The following TPX2 variants were observed in gnomAD, a reference collection of about 807,000 sequenced individuals.
TPX2 encodes the protein TPX2 microtubule nucleation factor, also known as targeting protein for Xklp2.
Under a neutral mutation model 93.6 loss-of-function variants are expected in TPX2, and 21 were observed. The ratio of observed to expected loss-of-function variants is 0.22; its 90% CI spans 0.16 to 0.32. The LOEUF (loss-of-function observed/expected upper bound fraction) is 0.32. Among genes scored for constraint, TPX2 ranks in the 10% least tolerant of loss-of-function variants. The probability of loss-of-function intolerance (pLI) is 1.00; values close to 1 mark genes in which losing one functional copy is unlikely to be tolerated. For missense variants in TPX2, 776 were observed against 871.1 expected (o/e 0.89, Z 1.37); for synonymous variants, 281 against 298.3 (o/e 0.94, Z 0.60).
chr20:31,747,432 C>T (rs1288151757), intron 2 of TPX2, among the ~76,000 whole-genome samples: 1 of 151,656 alleles, frequency 6.6e-6, no homozygotes, highest in Non-Finnish European at 1.5e-5. Context: ...TTTTATATCT[C>T]TATCTCTGTC....
At position 31,776,050 on chromosome 20, in the gene TPX2, G is replaced by GTTTTTTT. The variant is rs10528470; in HGVS notation, c.730+97_730+103dup. 212 of 331,388 alleles carry GTTTTTTT rather than the reference G, an allele frequency of 6.4e-4. 41 individuals carry two copies. Among genetic ancestry groups the GTTTTTTT allele is most frequent in the East Asian group, 1.9e-3 (6 of 3,208 alleles). 20.5% of individuals were successfully genotyped at this position (331,388 alleles called of 1,614,324 possible). ...GTGGTTCTTAACACTCTTGGTAGGT[G>GTTTTTTT]TTTTTTTTTTTTTTTTTTTTTTTTT... On this transcript the variant is annotated intron_variant, in intron 8 of 17. Transcript: ENST00000300403.
intron 15 of TPX2, among the ~76,000 whole-genome samples, chr20:31,795,171 T>A (rs943371594): frequency 2.0e-5 from 3 of 151,804 alleles, no homozygotes; most frequent in Non-Finnish European, 4.4e-5. Context: ...TGTCGCTCTG[T>A]CACCCAGGCT....
At chr20:31,795,099 G>A (rs1264498858) in intron 15 of TPX2, among the ~76,000 whole-genome samples, 1 of 151,960 alleles carries the variant, frequency 6.6e-6, no homozygotes, top group Non-Finnish European at 1.5e-5. Context: ...GGGATTACAG[G>A]TGTGAGCCAC....
intron 2 of TPX2, among the ~76,000 whole-genome samples, chr20:31,748,677 G>A (rs1364715512): frequency 1.3e-5 from 2 of 152,150 alleles, no homozygotes; most frequent in Non-Finnish European, 2.9e-5. Flanking sequence ...GAATCCTGCA[G>A]ACTTGTTCTT....
intron 7 of TPX2, 150 bp downstream of exon 7, chr20:31,771,832 C>A: frequency 2.6e-6 from 2 of 760,084 alleles, no homozygotes; most frequent in Non-Finnish European, 3.9e-6. Context: ...CTGATGGGTG[C>A]TCAGATTTTT....
intron 10 of TPX2, among the ~76,000 whole-genome samples, chr20:31,780,708 A>G (rs2062027830): frequency 6.6e-6 from 1 of 152,204 alleles, no homozygotes. Flanking sequence ...ATTCTATATT[A>G]GTTATGAAAA....
chr20:31,750,858 C>T (rs1188608670), intron 2 of TPX2, among the ~76,000 whole-genome samples: 1 of 152,134 alleles, frequency 6.6e-6, no homozygotes, highest in Non-Finnish European at 1.5e-5. Context: ...TTTTGGGCTG[C>T]AAACATAGAT....
chr20:31,801,152 C>T lies in TPX2; in HGVS notation c.*72C>T. ...TAACCTCAAACCTAGGACCGTCTTG[C>T]TTTGTCATTGGGCATGGAGAGAACC... On this transcript the variant is annotated 3_prime_UTR_variant, in exon 18 of 18. Transcript: ENST00000300403. 1 of 1,384,426 alleles carries T rather than the reference C, an allele frequency of 7.2e-7. No individual in the cohort carries two copies. The highest frequency in any genetic ancestry group is 1.0e-6 in the Non-Finnish European group (1 of 972,994). 85.8% of individuals were successfully genotyped at this position (1,384,426 alleles called of 1,614,324 possible).
At chr20:31,755,615 T>C (rs954426931) in intron 2 of TPX2, among the ~76,000 whole-genome samples, 1 of 151,836 alleles carries the variant, frequency 6.6e-6, no homozygotes, top group Admixed American at 6.6e-5. Flanking sequence ...AACAAAAAAT[T>C]AGCAAGGTGT....
At chr20:31,769,537 G>A (rs1047540161) in intron 5 of TPX2, among the ~76,000 whole-genome samples, 1 of 151,942 alleles carries the variant, frequency 6.6e-6, no homozygotes, top group Non-Finnish European at 1.5e-5. Flanking sequence ...TGTTATCCAG[G>A]ATGGTCTCGA....
chr20:31,794,464 G>C lies in TPX2; in HGVS notation c.1749G>C (p.Lys583Asn), dbSNP rs577156270. ...HFDTINLPEKKVKNVTQIEPF... is the reference protein window; with the variant it reads ...HFDTINLPEKNVKNVTQIEPF... ...ACACCATTAACCTGCCAGAGAAGAA[G>C]GTAAAGAATGTGACCCAGATTGAAC... The change falls in exon 15 of 18, where the codon AAG becomes AAC. Residue 583 changes from lysine to asparagine, a missense_variant. Physicochemically the swap from Lys to Asn is moderately conservative, Grantham distance 94. Coordinates refer to ENST00000300403, the MANE Select transcript of TPX2 (RefSeq NM_012112.5). 3.7e-5 allele frequency: 59 copies of C among 1,614,014 alleles called. No homozygotes were observed. The highest frequency in any genetic ancestry group is 4.6e-5 in the Non-Finnish European group (54 of 1,180,042).
rs141361805 is a variant in TPX2, at chr20:31,791,306, C to T, written c.1414-1429C>T. ...AGAATTAATTTTTTTTTCTTTGAGA[C>T]GGAGTCTTGCTCTGTCGCCCAGGCT... is the stretch of plus-strand genomic sequence containing the variant. On this transcript the variant is annotated intron_variant, in intron 12 of 17. Coordinates refer to ENST00000300403, the MANE Select transcript of TPX2 (RefSeq NM_012112.5). 7.8e-4 allele frequency among the ~76,000 whole-genome samples: 118 copies of T among 152,146 alleles called. 2 individuals are homozygous for T. The East Asian group carries it at 0.02, about 26-fold the overall frequency.
chr20:31,758,143 G>T (rs1411851211), intron 3 of TPX2, among the ~76,000 whole-genome samples: 18 of 136,694 alleles, frequency 1.3e-4, no homozygotes, highest in Non-Finnish European at 2.6e-4. Context: ...TTTTTTTGAG[G>T]CTGTAGTCTC....
At position 31,801,785 on chromosome 20, in the gene TPX2, G is replaced by T. The variant is rs1232490255; in HGVS notation, c.*705G>T. On this transcript the variant is annotated 3_prime_UTR_variant, in exon 18 of 18. Transcript: ENST00000300403. ...TTAAGACCTGGCCTGGAATAAATAC[G>T]TTTTGTCTTTCCCTCCCTGATTGTG... 1 of 152,154 alleles carries T rather than the reference G, an allele frequency of 6.6e-6. No individual in the cohort carries two copies. Among genetic ancestry groups the T allele is most frequent in the Non-Finnish European group, 1.5e-5 (1 of 68,076 alleles). The allele number at this position is 152,154 out of a possible 1,614,324, so 9.4% of individuals were successfully genotyped here.
Position 31,777,592 on chromosome 20 carries a change from A to C in TPX2, c.836A>C (p.Lys279Thr). The C allele has an allele frequency of 6.2e-7, 1 of 1,614,190 alleles. No individual in the cohort carries two copies. Among genetic ancestry groups the C allele is most frequent in the Non-Finnish European group, 8.5e-7 (1 of 1,180,026 alleles). The change falls in exon 9 of 18, where the codon AAG becomes ACG. Residue 279 changes from lysine (K) to threonine (T), a missense_variant. Physicochemically the swap from Lys to Thr is moderately conservative, Grantham distance 78. Transcript: ENST00000300403. ...CATCCTAAGAACCAGGAGGAATATA[A>C]GGAAGTGAACTTTACATCTGAACTA... is the stretch of plus-strand genomic sequence containing the variant. ...KQHPKNQEEYKEVNFTSELRK... is the reference protein window; with the variant it reads ...KQHPKNQEEYTEVNFTSELRK...
chr20:31,795,219 C>G (rs542806424), intron 15 of TPX2, among the ~76,000 whole-genome samples: 3 of 152,064 alleles, frequency 2.0e-5, no homozygotes, highest in African/African-American at 7.2e-5. Flanking sequence ...CTGCAACCTC[C>G]GTCTCCCAGG....
At chr20:31,750,417 G>C (rs539839010) in intron 2 of TPX2, among the ~76,000 whole-genome samples, 1 of 152,028 alleles carries the variant, frequency 6.6e-6, no homozygotes, top group African/African-American at 2.4e-5. Context: ...GCCTCCCAAA[G>C]TGCTGGGATT....
chr20:31,791,268 T>C (rs1358890137), intron 12 of TPX2, among the ~76,000 whole-genome samples: 1 of 152,128 alleles, frequency 6.6e-6, no homozygotes, highest in Non-Finnish European at 1.5e-5. Flanking sequence ...AGGTAAGCAA[T>C]AGGAGCCATT....
At chr20:31,761,616 GTA>G (rs554262703) in intron 4 of TPX2, among the ~76,000 whole-genome samples, 1 of 151,920 alleles carries the variant, frequency 6.6e-6, no homozygotes, top group Non-Finnish European at 1.5e-5. Context: ...GTATTCCATT[GTA>G]TATATATATG....
Sources: allele counts gnomAD v4.1 joint callset (sites outside exome capture counted in the v4.1 genomes callset), GRCh38; gene constraint gnomAD v4.1.1; transcripts MANE v1.5; gene names NCBI Gene and HGNC (gene_info 2026-07-23, HGNC 2026-07-21).